LARGE1: variants seen among roughly 807,000 people sequenced by gnomAD.
The protein encoded by LARGE1 is LARGE xylosyl- and glucuronyltransferase 1.
LARGE1 carries 43 observed loss-of-function variants against 87.6 expected under a neutral mutation model. That is an observed-to-expected ratio of 0.49 (90% CI 0.38 to 0.63). The LOEUF (loss-of-function observed/expected upper bound fraction) is 0.63, where lower values mean the gene tolerates loss of function less well. LARGE1 is among the 30% of genes least tolerant of loss of function. The pLI, the probability that LARGE1 is intolerant of heterozygous loss-of-function variation, is 0.00. For missense variants in LARGE1, 802 were observed against 1,000.2 expected (o/e 0.80, Z 2.67); for synonymous variants, 434 against 394.6 (o/e 1.10, Z -1.18).
chr22:33,374,502 C>A (rs1434834527), intron 9 of LARGE1, among the ~76,000 whole-genome samples: 1 of 152,168 alleles, frequency 6.6e-6, no homozygotes, highest in Non-Finnish European at 1.5e-5. Flanking sequence ...ACTATTACTT[C>A]ACAGTAACTT....
At chr22:33,469,012 C>A (rs1355086056) in intron 6 of LARGE1, among the ~76,000 whole-genome samples, 1 of 152,102 alleles carries the variant, frequency 6.6e-6, no homozygotes, top group Non-Finnish European at 1.5e-5. Flanking sequence ...GTCAAAAGGG[C>A]TATTATTAAA....
intron 1 of LARGE1, among the ~76,000 whole-genome samples, chr22:33,907,344 C>T (rs140311016): frequency 1.4e-3 from 209 of 152,286 alleles, no homozygotes; most frequent in Non-Finnish European, 2.0e-3. Flanking sequence ...GGAGAAGAGT[C>T]TTTAGGCACT....
chr22:33,652,229 A>G (rs1339555043), intron 2 of LARGE1, among the ~76,000 whole-genome samples: 1 of 152,116 alleles, frequency 6.6e-6, no homozygotes, highest in Non-Finnish European at 1.5e-5. Flanking sequence ...AGAGACGATA[A>G]GCAGGTCTCT....
chr22:33,593,000 C>T (rs111603874), intron 5 of LARGE1, among the ~76,000 whole-genome samples: 48 of 152,228 alleles, frequency 3.2e-4, no homozygotes, highest in African/African-American at 1.1e-3. Context: ...CCACCACATC[C>T]GGCTAATTTT....
chr22:33,290,366 T>C (rs1932319147), intron 12 of LARGE1, among the ~76,000 whole-genome samples: 1 of 152,230 alleles, frequency 6.6e-6, no homozygotes, highest in Non-Finnish European at 1.5e-5. Context: ...AGAGGCAGGC[T>C]GCTCGGGTCT....
At chr22:33,676,635 A>G (rs946545310) in intron 2 of LARGE1, among the ~76,000 whole-genome samples, 1 of 152,112 alleles carries the variant, frequency 6.6e-6, no homozygotes, top group Admixed American at 6.5e-5. Context: ...CAACATGTAT[A>G]TTAGAAGAAC....
chr22:33,295,988 A>T (rs2146042082), intron 12 of LARGE1, among the ~76,000 whole-genome samples: 1 of 152,374 alleles, frequency 6.6e-6, no homozygotes, highest in African/African-American at 2.4e-5. Context: ...AATAAAAAGT[A>T]GTAATGATTG....
chr22:33,891,831 C>T (rs2213359), intron 1 of LARGE1, among the ~76,000 whole-genome samples: 119,911 of 152,212 alleles, frequency 0.79, 47,962 homozygotes, highest in East Asian at 1. Flanking sequence ...AGAAATTTAA[C>T]GGAAAATTGG....
At chr22:33,234,388 C>T (rs111958366) in intron 11 of LARGE1, among the ~76,000 whole-genome samples, 7 of 152,282 alleles carry the variant, frequency 4.6e-5, no homozygotes, top group African/African-American at 1.7e-4. Context: ...TCCTACCTGT[C>T]ATGTGTTTGG....
chr22:33,681,777 T>C (rs1294312241), intron 2 of LARGE1, among the ~76,000 whole-genome samples: 1 of 152,246 alleles, frequency 6.6e-6, no homozygotes, highest in Non-Finnish European at 1.5e-5. Context: ...TTTGCAATTC[T>C]TACTTTGATA....
At chr22:33,160,087 T>A (rs1921973449), downstream of LARGE1, among the ~76,000 whole-genome samples, 1 of 152,212 alleles carries the variant, frequency 6.6e-6, no homozygotes. Context: ...GGACACAAAG[T>A]AGCATAATCC....
At chr22:33,878,756 A>C (rs1300514300) in intron 1 of LARGE1, among the ~76,000 whole-genome samples, 1 of 152,192 alleles carries the variant, frequency 6.6e-6, no homozygotes, top group Non-Finnish European at 1.5e-5. Context: ...TCTCCAGGCC[A>C]TCACCCCAGG....
In LARGE1 at chr22:33,775,071, T is replaced by C. The variant is rs114217521; in HGVS notation, c.-82-13513A>G. Among the ~76,000 whole-genome samples the C allele has an allele frequency of 3.8e-3, 582 of 152,302 alleles. 6 individuals are homozygous for C. The highest frequency in any genetic ancestry group is 0.013 in the African/African-American group (548 of 41,560). ...AAGAAGAAAACATTTATTGGGCAAC[T>C]AGGATACCCAGGTACCATACTGACA... On this transcript the variant is annotated intron_variant, in intron 1 of 14. Coordinates refer to ENST00000397394, the MANE Select transcript of LARGE1 (RefSeq NM_133642.5).
intron 11 of LARGE1, among the ~76,000 whole-genome samples, chr22:33,249,531 GT>G (rs1329415363): frequency 1.3e-5 from 2 of 152,150 alleles, no homozygotes; most frequent in Non-Finnish European, 2.9e-5. Context: ...CAGAGCAGAA[GT>G]TTTCTATTTT....
At chr22:33,530,364 T>C (rs2072135734) in intron 6 of LARGE1, among the ~76,000 whole-genome samples, 1 of 152,030 alleles carries the variant, frequency 6.6e-6, no homozygotes, top group African/African-American at 2.4e-5. Context: ...CTAACTGAGA[T>C]TATATAAATA....
At chr22:33,676,946 C>CA (rs1325319355) in intron 2 of LARGE1, among the ~76,000 whole-genome samples, 3 of 152,008 alleles carry the variant, frequency 2.0e-5, no homozygotes, top group Non-Finnish European at 4.4e-5. Flanking sequence ...TTCAATATCA[C>CA]AAAAGAAGGA....
chr22:33,831,783 CAT>C (rs376894128), intron 1 of LARGE1, among the ~76,000 whole-genome samples: 2,066 of 144,122 alleles, frequency 0.014, 41 homozygotes, highest in African/African-American at 0.051. Context: ...CACACACACA[CAT>C]ACACATACAC....
chr22:33,429,711 A>G (rs2067010315), intron 7 of LARGE1, among the ~76,000 whole-genome samples: 2 of 152,188 alleles, frequency 1.3e-5, no homozygotes, highest in Admixed American at 1.3e-4. Context: ...GGTTTTCCTG[A>G]GACTTCCTTT....
chr22:33,172,547 A>T (rs181043855), intron 11 of LARGE1, among the ~76,000 whole-genome samples: 48 of 152,088 alleles, frequency 3.2e-4, no homozygotes, highest in African/African-American at 1.1e-3. Context: ...GGCTTCCCCA[A>T]ATTTCTCTGC....
Sources: gnomAD v4.1 joint callset for allele counts (sites outside exome capture counted in the v4.1 genomes callset) on GRCh38, gnomAD v4.1.1 for gene constraint, MANE v1.5 for transcripts, NCBI Gene and HGNC (gene_info 2026-07-23, HGNC 2026-07-21) for gene names.